The following DCUN1D5 variants were observed in gnomAD, a reference collection of about 807,000 sequenced individuals.
DCUN1D5 encodes the protein defective in cullin neddylation 1 domain containing 5, also known as DCN1-like protein 5.
A neutral mutation model predicts 38.3 loss-of-function variants in DCUN1D5; 10 were observed. That is an observed-to-expected ratio of 0.26 (90% CI 0.16 to 0.44). The LOEUF (loss-of-function observed/expected upper bound fraction) is 0.44, where lower values mean the gene tolerates loss of function less well. Among genes scored for constraint, DCUN1D5 ranks in the 20% least tolerant of loss-of-function variants. The pLI is 1.00. For synonymous variants in DCUN1D5, 93 were observed against 90.9 expected, an observed-to-expected ratio of 1.02 and a Z score of -0.13; for missense variants, 148 against 275.3, an observed-to-expected ratio of 0.54 and a Z score of 3.27.
chr11:103,064,402 T>A lies in DCUN1D5; in HGVS notation c.556-25A>T, dbSNP rs2134602162. The A allele has an allele frequency of 4.7e-6, 7 of 1,483,542 alleles. No homozygotes were observed. Among genetic ancestry groups the A allele is most frequent in the Non-Finnish European group, 5.5e-6 (6 of 1,086,632 alleles). The allele number at this position is 1,483,542 out of a possible 1,614,324, so 91.9% of individuals were successfully genotyped here. A position where few individuals can be genotyped will look rare whatever the true frequency, so the allele number is the denominator to read the frequency against. On this transcript the variant is annotated intron_variant, in intron 6 of 7. Transcript: ENST00000260247. The surrounding 1 kb of genome is among the most constrained non-coding windows in gnomAD (Gnocchi z 4.5). Reference sequence around the variant, plus strand: ...GCTGCAAAAATGATTTAAATATTTGTATTTAAATATTTAAACAAACATCAT... The same window carrying A: ...GCTGCAAAAATGATTTAAATATTTGAATTTAAATATTTAAACAAACATCAT...
At chr11:103,088,165 A>G (rs1348739894) in intron 2 of DCUN1D5, among the ~76,000 whole-genome samples, 1 of 152,196 alleles carries the variant, frequency 6.6e-6, no homozygotes, top group African/African-American at 2.4e-5. Context: ...ATTCCATACA[A>G]TTAGCCTAAA....
rs558976889 is a variant in DCUN1D5 at position 103,063,498 on chromosome 11, TAA to T, written c.658+775_658+776del. On this transcript the variant is annotated intron_variant, in intron 7 of 7. Transcript: ENST00000260247. This position sits in a 1 kb window ranked among gnomAD's most constrained non-coding sequence, Gnocchi z 4.6. ...AGGACAAAATATATGTGGGAAGAAA[TAA>T]AGTTATCCCTTCTTCTGTTATTTTA... Among the ~76,000 whole-genome samples, 40 of 152,196 alleles carry T rather than the reference TAA, an allele frequency of 2.6e-4. No homozygotes were observed. The South Asian group carries it at 8.1e-3, about 31-fold the overall frequency.
In DCUN1D5 at chr11:103,052,729, T is replaced by A. The variant is rs1406695051; in HGVS notation, c.*9630A>T. The stretch of plus-strand genomic sequence containing the variant: ...ATAAACCTTATAGTTCTAGTGTAAG[T>A]ATTTCCAAAGATACTTGGAATATTT... On this transcript the variant is annotated 3_prime_UTR_variant, in exon 8 of 8. Coordinates refer to ENST00000260247, the MANE Select transcript of DCUN1D5 (RefSeq NM_032299.4). The A allele has an allele frequency of 6.6e-6, 1 of 152,202 alleles. No individual in the cohort carries two copies. Among genetic ancestry groups the A allele is most frequent in the Non-Finnish European group, 1.5e-5 (1 of 68,018 alleles). 9.4% of individuals were successfully genotyped at this position (152,202 alleles called of 1,614,324 possible).
chr11:103,075,285 G>A (rs970265626), intron 4 of DCUN1D5, among the ~76,000 whole-genome samples: 1 of 152,026 alleles, frequency 6.6e-6, no homozygotes, highest in African/African-American at 2.4e-5. Flanking sequence ...GTTTCTTCAG[G>A]GTAAATGTCA....
Position 103,071,283 on chromosome 11 carries a change from A to C in DCUN1D5, c.342-4716T>G. Among the ~76,000 whole-genome samples, 1 of 151,978 alleles carries C rather than the reference A, an allele frequency of 6.6e-6. No individual in the cohort carries two copies. Among genetic ancestry groups the C allele is most frequent in the African/African-American group, 2.4e-5 (1 of 41,434 alleles). ...GATCAATAAAATTGACAATTCTCTA[A>C]CAAGACTGACAAAAAAGAGAGAAGA... is the stretch of plus-strand genomic sequence containing the variant. On this transcript the variant is annotated intron_variant, in intron 4 of 7. Coordinates refer to ENST00000260247, the MANE Select transcript of DCUN1D5 (RefSeq NM_032299.4). The surrounding 1 kb of genome is among the most constrained non-coding windows in gnomAD (Gnocchi z 4.1).
Position 103,077,552 on chromosome 11 carries a change from G to A in DCUN1D5, c.341+5196C>T, listed in dbSNP as rs147506084. ...CACTGTAGTTAGAAAGAGAAGAAAT[G>A]GGTATTAATTTCAACGTTAGGACTC... On this transcript the variant is annotated intron_variant, in intron 4 of 7. Transcript: ENST00000260247. The surrounding 1 kb of genome is among the most constrained non-coding windows in gnomAD (Gnocchi z 4.3). Among the ~76,000 whole-genome samples, 6 of 152,274 alleles carry A rather than the reference G, an allele frequency of 3.9e-5. No homozygotes were observed. The highest frequency in any genetic ancestry group is 1.4e-4 in the African/African-American group (6 of 41,558).
rs562441089 is a variant in DCUN1D5 at position 103,062,605 on chromosome 11, A to C, written c.659-191T>G. Among the ~76,000 whole-genome samples the C allele has an allele frequency of 3.5e-4, 54 of 152,190 alleles. No homozygotes were observed. Among genetic ancestry groups the C allele is most frequent in the Non-Finnish European group, 4.9e-4 (33 of 67,960 alleles). ...TTTTCTTTTTTGCCCTTAAAGACAC[A>C]AGGAACAATGGTATCTATAGCAACT... is the stretch of plus-strand genomic sequence containing the variant. On this transcript the variant is annotated intron_variant, in intron 7 of 7. Coordinates refer to ENST00000260247, the MANE Select transcript of DCUN1D5 (RefSeq NM_032299.4). This position sits in a 1 kb window ranked among gnomAD's most constrained non-coding sequence, Gnocchi z 4.6.
intron 4 of DCUN1D5, among the ~76,000 whole-genome samples, chr11:103,070,288 C>A (rs1275429410): frequency 6.6e-6 from 1 of 151,912 alleles, no homozygotes; most frequent in Non-Finnish European, 1.5e-5. Context: ...AAGCATGACC[C>A]AAACATATGC....
rs1170764706 is a variant in DCUN1D5, at chr11:103,064,675, A to T, written c.556-298T>A. Among the ~76,000 whole-genome samples, 3 of 152,226 alleles carry T rather than the reference A, an allele frequency of 2.0e-5. No homozygotes were observed. In the East Asian group the frequency reaches 5.8e-4, roughly 29 times the overall value. ...GTTACCACCAATGAGATCAAGATAT[A>T]TAACATTTCCTACATCCAGTATGTT... On this transcript the variant is annotated intron_variant, in intron 6 of 7. Coordinates refer to ENST00000260247, the MANE Select transcript of DCUN1D5 (RefSeq NM_032299.4). The surrounding 1 kb of genome is among the most constrained non-coding windows in gnomAD (Gnocchi z 4.5).
chr11:103,090,884 C>T (rs1351490278), intron 1 of DCUN1D5, among the ~76,000 whole-genome samples: 1 of 152,122 alleles, frequency 6.6e-6, no homozygotes, highest in Non-Finnish European at 1.5e-5. Flanking sequence ...TGCACTCCAG[C>T]CTGGACAACA....
chr11:103,070,046 C>T (rs962883795), intron 4 of DCUN1D5, among the ~76,000 whole-genome samples: 1 of 151,408 alleles, frequency 6.6e-6, no homozygotes, highest in Non-Finnish European at 1.5e-5. Flanking sequence ...TTTAAATTAG[C>T]TATCACACAA....
rs565474985 is a variant in DCUN1D5 at position 103,052,355 on chromosome 11, T to C, written c.*10004A>G. 3.9e-5 allele frequency: 6 copies of C among 152,302 alleles called. No homozygotes were observed. The highest frequency in any genetic ancestry group is 2.0e-4 in the Admixed American group (3 of 15,290). The allele number at this position is 152,302 out of a possible 1,614,324, so 9.4% of individuals were successfully genotyped here. ...TGAGAGATAAGTAAAATACGGTCCATTTCTTTTAAGTAACTTGCAGTCTAG... is the reference window on the plus strand; with the variant it reads ...TGAGAGATAAGTAAAATACGGTCCACTTCTTTTAAGTAACTTGCAGTCTAG... On this transcript the variant is annotated 3_prime_UTR_variant, in exon 8 of 8. Transcript: ENST00000260247.
At position 103,083,362 on chromosome 11, in the gene DCUN1D5, A is replaced by G; in HGVS notation, c.179-36T>C. ...AAAAATAATTAACATATTTTGTTAT[A>G]ATATCAACATAAAACATAAATCGTC... is the stretch of plus-strand genomic sequence containing the variant. On this transcript the variant is annotated intron_variant, in intron 2 of 7. Transcript: ENST00000260247. The surrounding 1 kb of genome is among the most constrained non-coding windows in gnomAD (Gnocchi z 4.4). 8.6e-7 allele frequency: 1 copy of G among 1,162,968 alleles called. No homozygotes were observed. Among genetic ancestry groups the G allele is most frequent in the South Asian group, 1.3e-5 (1 of 79,558 alleles). The allele number at this position is 1,162,968 out of a possible 1,614,324, so 72.0% of individuals were successfully genotyped here.
At position 103,056,009 on chromosome 11, in the gene DCUN1D5, C is replaced by T. The variant is rs1202110362; in HGVS notation, c.*6350G>A. 6.6e-6 allele frequency among the ~76,000 whole-genome samples: 1 copy of T among 152,086 alleles called. No individual in the cohort carries two copies. Among genetic ancestry groups the T allele is most frequent in the East Asian group, 1.9e-4 (1 of 5,196 alleles). ...ACCTTGATCATTCTTTTTTTCATAC[C>T]TCACATCCATTCTATCAGCATATCC... On this transcript the variant is annotated 3_prime_UTR_variant, in exon 8 of 8. Coordinates refer to ENST00000260247, the MANE Select transcript of DCUN1D5 (RefSeq NM_032299.4). The surrounding 1 kb of genome is among the most constrained non-coding windows in gnomAD (Gnocchi z 4.9).
rs747888378 is a variant in DCUN1D5, at chr11:103,087,016, A to G, written c.178+2211T>C. Reference sequence around the variant, plus strand: ...GGGCAAATTAATTAATCTAAGTCTCAGTTTTCTCATCTATAAAATGAGGGT... The same window carrying G: ...GGGCAAATTAATTAATCTAAGTCTCGGTTTTCTCATCTATAAAATGAGGGT... On this transcript the variant is annotated intron_variant, in intron 2 of 7. Transcript: ENST00000260247. The surrounding 1 kb of genome is among the most constrained non-coding windows in gnomAD (Gnocchi z 4.1). 2.6e-5 allele frequency among the ~76,000 whole-genome samples: 4 copies of G among 151,930 alleles called. No homozygotes were observed. The highest frequency in any genetic ancestry group is 5.9e-5 in the Non-Finnish European group (4 of 67,968).
chr11:103,060,884 C>A lies in DCUN1D5; in HGVS notation c.*1475G>T, dbSNP rs1376399893. ...TCATTCATAATATTAAATCCTAACA[C>A]CACTGGTATGCTCAGTTCATAACTC... On this transcript the variant is annotated 3_prime_UTR_variant, in exon 8 of 8. Transcript: ENST00000260247. Among the ~76,000 whole-genome samples, 1 of 152,028 alleles carries A rather than the reference C, an allele frequency of 6.6e-6. No homozygotes were observed. The highest frequency in any genetic ancestry group is 1.5e-5 in the Non-Finnish European group (1 of 67,958).
rs1254235846 is a variant in DCUN1D5, at chr11:103,058,910, A to G, written c.*3449T>C. Among the ~76,000 whole-genome samples, 1 of 149,992 alleles carries G rather than the reference A, an allele frequency of 6.7e-6. No homozygotes were observed. Among genetic ancestry groups the G allele is most frequent in the East Asian group, 2.0e-4 (1 of 5,110 alleles). On this transcript the variant is annotated 3_prime_UTR_variant, in exon 8 of 8. Coordinates refer to ENST00000260247, the MANE Select transcript of DCUN1D5 (RefSeq NM_032299.4). ...TTGGGTTTTTTTGGGGGGGGTTTTA[A>G]TTTTATTTTTTATTTTTGGCCTTTT...
intron 1 of DCUN1D5, among the ~76,000 whole-genome samples, chr11:103,089,885 G>T (rs544444520): frequency 6.7e-4 from 102 of 151,976 alleles, no homozygotes; most frequent in African/African-American, 2.4e-3. Flanking sequence ...GTTAATAATA[G>T]TCCAAATAAT....
At chr11:103,088,474 C>T (rs866210771) in intron 2 of DCUN1D5, among the ~76,000 whole-genome samples, 7 of 152,330 alleles carry the variant, frequency 4.6e-5, no homozygotes, top group South Asian at 2.1e-4. Context: ...TCAGCCCCAT[C>T]TCTGGCTGGC....
Sources: gnomAD v4.1 joint callset for allele counts (sites outside exome capture counted in the v4.1 genomes callset) on GRCh38, gnomAD v4.1.1 for gene constraint, Gnocchi (gnomAD v3.1) non-coding constraint, MANE v1.5 for transcripts, NCBI Gene and HGNC (gene_info 2026-07-23, HGNC 2026-07-21) for gene names.